The following STX7 variants were observed in gnomAD, a reference collection of about 807,000 sequenced individuals.
STX7 encodes syntaxin 7.
STX7 carries 34 observed loss-of-function variants against 39.6 expected under a neutral mutation model. The observed-to-expected ratio is 0.86, with a 90% CI of 0.65 to 1.14. The LOEUF is 1.14. Ranked by LOEUF, STX7 falls within the 50% of genes most tolerant of loss-of-function variation. The pLI, the probability that STX7 is intolerant of heterozygous loss-of-function variation, is 0.00. For missense variants in STX7, 284 were observed against 310.4 expected (o/e 0.92, Z 0.64); for synonymous variants, 119 against 99.1 (o/e 1.20, Z -1.19).
At chr6:132,504,362 A>G (rs915681556) in intron 1 of STX7, among the ~76,000 whole-genome samples, 1 of 152,214 alleles carries the variant, frequency 6.6e-6, no homozygotes, top group Non-Finnish European at 1.5e-5. Context: ...AGCATCTCAG[A>G]ATAGAAGAGA....
chr6:132,495,525 C>T (rs1335758818), intron 2 of STX7, among the ~76,000 whole-genome samples: 1 of 151,954 alleles, frequency 6.6e-6, no homozygotes. Flanking sequence ...CCCATCCCAC[C>T]AACAGATTAC....
chr6:132,482,224 C>T (rs1171219293), intron 2 of STX7, among the ~76,000 whole-genome samples: 3 of 152,136 alleles, frequency 2.0e-5, no homozygotes, highest in East Asian at 1.9e-4. Context: ...TTGATTCACT[C>T]GACAAACATT....
At position 132,454,509 on chromosome 6, in the gene STX7, T is replaced by C. The variant is rs1320274585; in HGVS notation, c.*6249A>G. On this transcript the variant is annotated 3_prime_UTR_variant, in exon 10 of 10. Coordinates refer to ENST00000367941, the MANE Select transcript of STX7 (RefSeq NM_003569.3). ...TATTTCTTACAACAGCATGTGAATC[T>C]AGTTTCTCAAAAGTTTAGTTAAAAA... The C allele has an allele frequency of 6.6e-6, 1 of 152,192 alleles. No individual in the cohort carries two copies. The highest frequency in any genetic ancestry group is 2.4e-5 in the African/African-American group (1 of 41,458). 9.4% of individuals were successfully genotyped at this position (152,192 alleles called of 1,614,324 possible). A position where few individuals can be genotyped will look rare whatever the true frequency, so the allele number is the denominator to read the frequency against.
intron 6 of STX7, 62 bp downstream of exon 6, chr6:132,470,512 A>G (rs1774687318): frequency 2.5e-6 from 3 of 1,189,126 alleles, no homozygotes; most frequent in Middle Eastern, 2.1e-4. Context: ...TGTTCCAGGG[A>G]CCTTAATGTA....
chr6:132,503,446 A>T lies in STX7; in HGVS notation c.85T>A (p.Ser29Thr). Residue 29 changes from serine to threonine, a missense_variant and splice_region_variant, in exon 2 of 10, where the codon TCT (serine) becomes ACT (threonine). Transcript: ENST00000367941. The part of the protein sequence containing the change: ...SSNIQKITQC[S>T]VEIQRTLNQL... ...GAAGTCCATTTAAAACTCAACTCAC[A>T]ACACTGTGTGATCTTCTGGATGTTA... is the stretch of plus-strand genomic sequence containing the variant. 1 of 1,613,816 alleles carries T rather than the reference A, an allele frequency of 6.2e-7. No individual in the cohort carries two copies. The highest frequency in any genetic ancestry group is 8.5e-7 in the Non-Finnish European group (1 of 1,179,734).
intron 2 of STX7, among the ~76,000 whole-genome samples, chr6:132,496,642 A>C (rs1233551774): frequency 6.6e-6 from 1 of 152,186 alleles, no homozygotes; most frequent in African/African-American, 2.4e-5. Context: ...ACTCTTAAAA[A>C]ACTTTGGTTA....
intron 3 of STX7, among the ~76,000 whole-genome samples, chr6:132,473,943 C>T (rs540290311): frequency 6.6e-6 from 1 of 151,160 alleles, no homozygotes; most frequent in Non-Finnish European, 1.5e-5. Flanking sequence ...AAAAAGAAGA[C>T]CTTAGGCTGG....
chr6:132,462,585 GTGTGTGTGTGT>G (rs1774438562), intron 9 of STX7, among the ~76,000 whole-genome samples: 1 of 51,740 alleles, frequency 1.9e-5, no homozygotes, highest in Non-Finnish European at 4.4e-5. Context: ...TTGCAGGGGT[GTGTGTGTGTGT>G]GTGTGTGTGT....
rs979594557 is a variant in STX7 at position 132,451,846 on chromosome 6, T to G, written c.*8912A>C. 1.3e-5 allele frequency: 2 copies of G among 152,196 alleles called. No homozygotes were observed. The highest frequency in any genetic ancestry group is 4.8e-5 in the African/African-American group (2 of 41,448). 9.4% of individuals were successfully genotyped at this position (152,196 alleles called of 1,614,324 possible). On this transcript the variant is annotated 3_prime_UTR_variant, in exon 10 of 10. Coordinates refer to ENST00000367941, the MANE Select transcript of STX7 (RefSeq NM_003569.3). ...GATTTCATTGGAAAGTTCTATCAAA[T>G]GTTTTAAAAAGCGCTGACACCAATT...
At chr6:132,492,378 A>G (rs995837932) in intron 2 of STX7, among the ~76,000 whole-genome samples, 1 of 152,196 alleles carries the variant, frequency 6.6e-6, no homozygotes, top group Non-Finnish European at 1.5e-5. Context: ...GTAACACTTA[A>G]CATCTCCTTC....
intron 3 of STX7, among the ~76,000 whole-genome samples, chr6:132,474,377 T>C (rs1774817115): frequency 6.6e-6 from 1 of 152,180 alleles, no homozygotes; most frequent in Non-Finnish European, 1.5e-5. Flanking sequence ...GTTTATTATT[T>C]AGATTTGGAG....
chr6:132,476,868 T>C (rs1452461861), intron 2 of STX7, among the ~76,000 whole-genome samples: 1 of 152,064 alleles, frequency 6.6e-6, no homozygotes, highest in Non-Finnish European at 1.5e-5. Context: ...AATGTCATGG[T>C]ACATAAATAA....
intron 7 of STX7, 120 bp downstream of exon 7, chr6:132,469,831 T>C (rs1010777852): frequency 9.9e-6 from 7 of 707,802 alleles, no homozygotes; most frequent in Non-Finnish European, 1.6e-5. Flanking sequence ...AGAGGGAGAC[T>C]GTCTCAAAAA....
intron 1 of STX7, among the ~76,000 whole-genome samples, chr6:132,504,471 T>A (rs1007808133): frequency 6.6e-6 from 1 of 152,218 alleles, no homozygotes; most frequent in African/African-American, 2.4e-5. Context: ...TGAAAAGGAA[T>A]GTCCCTGCAT....
rs1775177826 is a variant in STX7 at position 132,487,852 on chromosome 6, A to T, written c.86-12190T>A. On this transcript the variant is annotated intron_variant, in intron 2 of 9. Transcript: ENST00000367941. ...GGTTAGATGTTTATCAGTTCTATTG[A>T]TCTCAAAGAAATAGCTTTTGGTTTC... is the stretch of plus-strand genomic sequence containing the variant. 2.0e-5 allele frequency among the ~76,000 whole-genome samples: 3 copies of T among 151,976 alleles called. No individual in the cohort carries two copies. In the South Asian group the frequency reaches 6.2e-4, roughly 32 times the overall value.
At chr6:132,490,994 C>T (rs567606643) in intron 2 of STX7, among the ~76,000 whole-genome samples, 2 of 143,704 alleles carry the variant, frequency 1.4e-5, no homozygotes, top group African/African-American at 5.9e-5. Flanking sequence ...CACAGCACAG[C>T]ACAGCACAGC....
intron 9 of STX7, chr6:132,461,836 A>G (rs1371652905): frequency 9.7e-6 from 15 of 1,542,098 alleles, no homozygotes; most frequent in African/African-American, 2.7e-5. Flanking sequence ...TTTGTACCTC[A>G]CATCAACATG....
chr6:132,502,124 C>T (rs550086718), intron 2 of STX7, among the ~76,000 whole-genome samples: 1 of 152,336 alleles, frequency 6.6e-6, no homozygotes, highest in African/African-American at 2.4e-5. Flanking sequence ...TTTTATACCA[C>T]TGTGCACAGC....
intron 2 of STX7, among the ~76,000 whole-genome samples, chr6:132,488,713 C>T (rs1473600298): frequency 1.3e-5 from 2 of 151,948 alleles, no homozygotes; most frequent in Non-Finnish European, 2.9e-5. Flanking sequence ...ATAGTTATAG[C>T]CCGTAATTGG....
Sources: gnomAD v4.1 joint callset for allele counts (sites outside exome capture counted in the v4.1 genomes callset) on GRCh38, gnomAD v4.1.1 for gene constraint, MANE v1.5 for transcripts, NCBI Gene and HGNC (gene_info 2026-07-23, HGNC 2026-07-21) for gene names.